Variants in CPNE8 observed in about 807,000 individuals in gnomAD.
CPNE8 encodes the protein copine 8, also known as copine-8.
A neutral mutation model predicts 81.5 loss-of-function variants in CPNE8; 45 were observed. The observed-to-expected ratio is 0.55, with a 90% CI of 0.44 to 0.71. The LOEUF (loss-of-function observed/expected upper bound fraction) is 0.71, where lower values mean the gene tolerates loss of function less well. Ranked by LOEUF, CPNE8 falls within the 30% of genes least tolerant of loss-of-function variation. The pLI is 0.00. For synonymous variants in CPNE8, 252 were observed against 226.3 expected (o/e 1.11, Z -1.02); for missense variants, 594 against 672.1 (o/e 0.88, Z 1.28).
intron 14 of CPNE8, among the ~76,000 whole-genome samples, chr12:38,701,836 C>G (rs540481074): frequency 6.6e-6 from 1 of 151,956 alleles, no homozygotes; most frequent in Non-Finnish European, 1.5e-5. Flanking sequence ...GAATAAAACA[C>G]GAGTAAAAAT....
At chr12:38,697,540 A>G (rs565510137) in intron 14 of CPNE8, among the ~76,000 whole-genome samples, 2 of 152,292 alleles carry the variant, frequency 1.3e-5, no homozygotes, top group Non-Finnish European at 2.9e-5. Flanking sequence ...GCTAGGTCAT[A>G]TGGTAACTCT....
chr12:38,808,923 A>G (rs997558181), intron 6 of CPNE8, among the ~76,000 whole-genome samples: 1 of 152,162 alleles, frequency 6.6e-6, no homozygotes, highest in African/African-American at 2.4e-5. Context: ...GCTAGTAAAC[A>G]GGTAAATGCT....
rs757415938 is a variant in CPNE8 at position 38,702,901 on chromosome 12, A to C, written c.935T>G (p.Val312Gly). Residue 312 changes from valine (V) to glycine (G), a missense_variant, in exon 14 of 20, where the codon GTG becomes GGG. Transcript: ENST00000331366. ...GTTTGATGCTGTAAAATCAATAGCCACTGTGAAATTGATTTGCGTCCTGGA... is the reference window on the plus strand; with the variant it reads ...GTTTGATGCTGTAAAATCAATAGCCCCTGTGAAATTGATTTGCGTCCTGGA... ...IKGGTQINFT[V>G]AIDFTASNGN... 3.2e-6 allele frequency: 5 copies of C among 1,579,260 alleles called. No individual in the cohort carries two copies. Among genetic ancestry groups the C allele is most frequent in the Non-Finnish European group, 4.3e-6 (5 of 1,160,752 alleles).
At chr12:38,857,673 G>C (rs1348002808) in intron 3 of CPNE8, among the ~76,000 whole-genome samples, 1 of 152,178 alleles carries the variant, frequency 6.6e-6, no homozygotes, top group Non-Finnish European at 1.5e-5. Context: ...AGCACTTTAA[G>C]AGGCCAGGGT....
intron 6 of CPNE8, among the ~76,000 whole-genome samples, chr12:38,799,068 A>C (rs1429567476): frequency 6.6e-6 from 1 of 152,194 alleles, no homozygotes; most frequent in Non-Finnish European, 1.5e-5. Flanking sequence ...AGTGACCTAC[A>C]AAGAGACTTA....
intron 6 of CPNE8, among the ~76,000 whole-genome samples, chr12:38,797,469 C>A (rs1305737777): frequency 1.3e-5 from 2 of 152,198 alleles, no homozygotes. Flanking sequence ...CAAACTCCAA[C>A]AGACCTGCAG....
At chr12:38,756,894 AT>A (rs1941473649) in intron 10 of CPNE8, among the ~76,000 whole-genome samples, 1 of 152,220 alleles carries the variant, frequency 6.6e-6, no homozygotes, top group Non-Finnish European at 1.5e-5. Context: ...TGTATACCAC[AT>A]TTCAAAGACT....
At chr12:38,708,976 C>A (rs1482313726) in intron 13 of CPNE8, among the ~76,000 whole-genome samples, 3 of 152,162 alleles carry the variant, frequency 2.0e-5, no homozygotes, top group Non-Finnish European at 4.4e-5. Context: ...CAGTGGATTT[C>A]TCCCACTCCT....
At chr12:38,843,855 C>CA (rs1328889108) in intron 4 of CPNE8, among the ~76,000 whole-genome samples, 1 of 152,048 alleles carries the variant, frequency 6.6e-6, no homozygotes, top group Non-Finnish European at 1.5e-5. Context: ...AGGAGCTGGG[C>CA]AATAGCTCCA....
chr12:38,736,154 TAA>T, intron 10 of CPNE8, among the ~76,000 whole-genome samples: 1 of 151,750 alleles, frequency 6.6e-6, no homozygotes, highest in South Asian at 2.1e-4. Flanking sequence ...ATAGAATTTT[TAA>T]AAGATATAAT....
intron 7 of CPNE8, among the ~76,000 whole-genome samples, chr12:38,772,736 T>C (rs916768185): frequency 2.0e-5 from 3 of 152,158 alleles, no homozygotes; most frequent in African/African-American, 4.8e-5. Context: ...GCAGCACTAC[T>C]GTATGATCCA....
At chr12:38,762,076 T>C in intron 9 of CPNE8, 36 bp downstream of exon 9, 2 of 1,099,504 alleles carry the variant, frequency 1.8e-6, no homozygotes, top group Non-Finnish European at 1.3e-6. Flanking sequence ...TTTTTAAAAG[T>C]TATTTGAAGA....
chr12:38,720,783 T>C (rs949823524), intron 13 of CPNE8: 3 of 152,204 alleles, frequency 2.0e-5, no homozygotes, highest in Admixed American at 2.0e-4. Context: ...CAGGGACAAG[T>C]GGGAGCTCTG....
chr12:38,791,122 A>G (rs2136928608), intron 6 of CPNE8, among the ~76,000 whole-genome samples: 1 of 151,792 alleles, frequency 6.6e-6, no homozygotes, highest in South Asian at 2.1e-4. Flanking sequence ...CAATAATTTT[A>G]AACTTATTAA....
intron 13 of CPNE8, among the ~76,000 whole-genome samples, chr12:38,710,449 A>G (rs2136708261): frequency 6.6e-6 from 1 of 151,650 alleles, no homozygotes; most frequent in Middle Eastern, 3.4e-3. Flanking sequence ...GCTAGTTGTG[A>G]CTCCTTGCAA....
intron 1 of CPNE8, among the ~76,000 whole-genome samples, chr12:38,902,599 T>G (rs1333613971): frequency 6.6e-6 from 1 of 152,202 alleles, no homozygotes; most frequent in African/African-American, 2.4e-5. Flanking sequence ...TCAACTGTGC[T>G]TTGTTGCTAA....
chr12:38,833,160 C>A (rs1235696551), intron 5 of CPNE8, among the ~76,000 whole-genome samples: 7 of 151,532 alleles, frequency 4.6e-5, no homozygotes, highest in Non-Finnish European at 1.0e-4. Context: ...CAAGACCAGT[C>A]GGGCCAACAT....
chr12:38,786,471 C>T (rs1309125997), intron 6 of CPNE8, among the ~76,000 whole-genome samples: 1 of 152,142 alleles, frequency 6.6e-6, no homozygotes, highest in Non-Finnish European at 1.5e-5. Flanking sequence ...TTCTCTCCTG[C>T]TGGATACTTC....
intron 13 of CPNE8, among the ~76,000 whole-genome samples, chr12:38,710,196 G>T (rs1940214586): frequency 1.6e-5 from 2 of 127,928 alleles, no homozygotes; most frequent in South Asian, 5.2e-4. Flanking sequence ...TATCAAAAAG[G>T]TATGCAAAAT....
Sources: allele counts gnomAD v4.1 joint callset (sites outside exome capture counted in the v4.1 genomes callset), GRCh38; gene constraint gnomAD v4.1.1; transcripts MANE v1.5; gene names NCBI Gene and HGNC (gene_info 2026-07-23, HGNC 2026-07-21).